ANKLE2: variants seen among roughly 807,000 people sequenced by gnomAD.
ANKLE2 encodes the protein ankyrin repeat and LEM domain containing 2, also known as ankyrin repeat and LEM domain-containing protein 2.
ANKLE2 carries 55 observed loss-of-function variants against 84.2 expected under a neutral mutation model. The ratio of observed to expected loss-of-function variants is 0.65; its 90% CI spans 0.53 to 0.82. The LOEUF (loss-of-function observed/expected upper bound fraction) is 0.82, where lower values mean the gene tolerates loss of function less well. Ranked by LOEUF, ANKLE2 falls within the 40% of genes least tolerant of loss-of-function variation. The pLI, the probability that ANKLE2 is intolerant of heterozygous loss-of-function variation, is 0.00. For synonymous variants in ANKLE2, 551 were observed against 486.1 expected (o/e 1.13, Z -1.76); for missense variants, 1,238 against 1,201.9 (o/e 1.03, Z -0.44).
In ANKLE2 at chr12:132,734,557, C is replaced by T. The variant is rs897146587; in HGVS notation, c.1719G>A (p.Leu573=). 6.2e-7 allele frequency: 1 copy of T among 1,612,314 alleles called. No individual in the cohort carries two copies. Among genetic ancestry groups the T allele is most frequent in the Non-Finnish European group, 8.5e-7 (1 of 1,179,402 alleles). The change falls in exon 10 of 13, where the codon CTG becomes CTA. Residue 573 remains leucine, a synonymous_variant. Transcript: ENST00000357997. The stretch of plus-strand genomic sequence containing the variant: ...CCCAGTATTCAACCCAGGGATACCC[C>T]AGCTCATGAGCTAGCTCCCTGTAAG... ...ERVGRELAHE[L]GYPWVEYWEF...
intron 7 of ANKLE2, 36 bp from the exon 8 acceptor site, chr12:132,737,101 G>GC: frequency 6.4e-7 from 1 of 1,553,130 alleles, no homozygotes; most frequent in Non-Finnish European, 8.7e-7. Context: ...GCAGGCTTCC[G>GC]CCCCCTCCGC....
chr12:132,727,946 G>A (rs2043743216), intron 12 of ANKLE2, 86 bp downstream of exon 12: 6 of 1,516,176 alleles, frequency 4.0e-6, no homozygotes, highest in Non-Finnish European at 4.4e-6. Flanking sequence ...AAAAGCCACT[G>A]ATAGGTTCGC....
chr12:132,750,120 G>A lies in ANKLE2; in HGVS notation c.847+523C>T, dbSNP rs915277275. Among the ~76,000 whole-genome samples the A allele has an allele frequency of 5.4e-5, 8 of 146,824 alleles. No homozygotes were observed. The South Asian group carries it at 6.3e-4, about 12-fold the overall frequency. ...CTCGGGAGGCTGAGGCAGGAGAATCGCTTGAACCCGGGAGGTGGAGCTTGC... is the reference window on the plus strand; with the variant it reads ...CTCGGGAGGCTGAGGCAGGAGAATCACTTGAACCCGGGAGGTGGAGCTTGC... On this transcript the variant is annotated intron_variant, in intron 3 of 12. Coordinates refer to ENST00000357997, the MANE Select transcript of ANKLE2 (RefSeq NM_015114.3).
chr12:132,734,613 C>T lies in ANKLE2; in HGVS notation c.1701-38G>A, dbSNP rs747404907. 8 of 1,564,468 alleles carry T rather than the reference C, an allele frequency of 5.1e-6. No homozygotes were observed. In the African/African-American group the frequency reaches 9.7e-5, roughly 19 times the overall value. ...AAACACAATTAACCAGCTGTGAAAC[C>T]AGAAAAAATACTCAGAACTACACAG... On this transcript the variant is annotated intron_variant, in intron 9 of 12. Coordinates refer to ENST00000357997, the MANE Select transcript of ANKLE2 (RefSeq NM_015114.3).
intron 6 of ANKLE2, chr12:132,741,726 C>T (rs535315103): frequency 6.5e-5 from 41 of 629,298 alleles, no homozygotes; most frequent in South Asian, 2.6e-4. Context: ...TTGCGCTACT[C>T]GACATTTTCT....
intron 9 of ANKLE2, 104 bp from the exon 10 acceptor site, chr12:132,734,679 C>T: frequency 4.3e-6 from 5 of 1,149,826 alleles, no homozygotes; most frequent in Non-Finnish European, 6.1e-6. Context: ...GCAATGTCTG[C>T]AATCATGGTT....
intron 7 of ANKLE2, among the ~76,000 whole-genome samples, chr12:132,740,907 C>CA (rs1415348006): frequency 1.0e-4 from 12 of 117,040 alleles, no homozygotes; most frequent in African/African-American, 3.2e-4. Flanking sequence ...CCTGGGCGTG[C>CA]ACCAGGAGTA....
chr12:132,732,177 G>C (rs1423797934), intron 10 of ANKLE2: 1 of 140,318 alleles, frequency 7.1e-6, no homozygotes, highest in African/African-American at 2.7e-5. Flanking sequence ...TGTCTGATAC[G>C]CACCGTGTGA....
chr12:132,742,746 ATTGCTATCT>A (rs1566024234), intron 6 of ANKLE2, among the ~76,000 whole-genome samples: 2 of 147,846 alleles, frequency 1.4e-5, no homozygotes, highest in Non-Finnish European at 3.0e-5. Flanking sequence ...CACCATGATC[ATTGCTATCT>A]CCATCCTCAC....
Position 132,726,576 on chromosome 12 carries a change from C to G in ANKLE2, c.*666G>C, listed in dbSNP as rs2043703336. 2.0e-5 allele frequency: 3 copies of G among 152,244 alleles called. No homozygotes were observed. The highest frequency in any genetic ancestry group is 1.3e-4 in the Admixed American group (2 of 15,282). 9.4% of individuals were successfully genotyped at this position (152,244 alleles called of 1,614,324 possible). On this transcript the variant is annotated 3_prime_UTR_variant, in exon 13 of 13. Transcript: ENST00000357997. ...TTGCTCCTGGTATCACTCCCACGGG[C>G]TGCAAGACTTCCCAAGAGAAAAGCT...
At chr12:132,736,024 T>A (rs2136124497) in intron 8 of ANKLE2, among the ~76,000 whole-genome samples, 1 of 152,328 alleles carries the variant, frequency 6.6e-6, no homozygotes, top group Admixed American at 6.5e-5. Context: ...CGATCTCGGC[T>A]CACTGCAAGC....
intron 1 of ANKLE2, chr12:132,757,426 T>C (rs1335292275): frequency 6.6e-6 from 1 of 152,436 alleles, no homozygotes; most frequent in East Asian, 1.9e-4. Context: ...CTCACACCTG[T>C]CACCCCAGCG....
rs746868924 is a variant in ANKLE2, at chr12:132,754,731, T to C, written c.584A>G (p.Glu195Gly). 1 of 1,614,084 alleles carries C rather than the reference T, an allele frequency of 6.2e-7. No homozygotes were observed. Among genetic ancestry groups the C allele is most frequent in the Admixed American group, 1.7e-5 (1 of 60,010 alleles). Residue 195 changes from glutamate to glycine, a missense_variant, in exon 2 of 13, where the codon GAG becomes GGG. Physicochemically the swap from Glu to Gly is moderately conservative, Grantham distance 98. Transcript: ENST00000357997. The stretch of plus-strand genomic sequence containing the variant: ...ACACACCCCATAGTACAGGGGCGGC[T>C]CCTTAGACGCAGTCGCTCCAGCTCT... Reference protein sequence around the residue: ...TYRAGATASKEPPLYYGVCPV... With the variant: ...TYRAGATASKGPPLYYGVCPV...
intron 2 of ANKLE2, among the ~76,000 whole-genome samples, chr12:132,752,821 T>G (rs1347403340): frequency 6.6e-6 from 1 of 152,184 alleles, no homozygotes; most frequent in Non-Finnish European, 1.5e-5. Context: ...CAATTAATAC[T>G]GAGTTCTCAT....
In ANKLE2 at chr12:132,743,347, A is replaced by ATATT. The variant is rs2044169322; in HGVS notation, c.1231-75_1231-72dup. The ATATT allele has an allele frequency of 1.4e-6, 2 of 1,416,250 alleles. No homozygotes were observed. Among genetic ancestry groups the ATATT allele is most frequent in the Non-Finnish European group, 1.9e-6 (2 of 1,050,164 alleles). The allele number at this position is 1,416,250 out of a possible 1,614,324, so 87.7% of individuals were successfully genotyped here. On this transcript the variant is annotated intron_variant, in intron 5 of 12. Coordinates refer to ENST00000357997, the MANE Select transcript of ANKLE2 (RefSeq NM_015114.3). This position sits in a 1 kb window ranked among gnomAD's most constrained non-coding sequence, Gnocchi z 4.1. ...TGAGGTTGCTCTAAGGTGAAAATAC[A>ATATT]TATTCATTCATTCATTCATTCATTT...
chr12:132,753,334 C>G (rs1342505507), intron 2 of ANKLE2, among the ~76,000 whole-genome samples: 1 of 151,766 alleles, frequency 6.6e-6, no homozygotes, highest in African/African-American at 2.4e-5. Context: ...AAAAAAAAAC[C>G]ACCAAAAACA....
At chr12:132,752,919 A>G (rs2044387885) in intron 2 of ANKLE2, among the ~76,000 whole-genome samples, 1 of 151,632 alleles carries the variant, frequency 6.6e-6, no homozygotes, top group African/African-American at 2.4e-5. Context: ...GCACTTTGGG[A>G]GGCTCAGGTG....
At position 132,728,054 on chromosome 12, in the gene ANKLE2, A is replaced by G. The variant is rs200148522; in HGVS notation, c.2593T>C (p.Tyr865His). ...VHRWKSAVLCYSPSDRQSWPS... is the reference protein window; with the variant it reads ...VHRWKSAVLCHSPSDRQSWPS... Reference sequence around the variant, plus strand: ...TACCTCTGTCTGTCCGAGGGTGAGTAGCACAGGACAGCACTCTTCCATCTG... The same window carrying G: ...TACCTCTGTCTGTCCGAGGGTGAGTGGCACAGGACAGCACTCTTCCATCTG... Residue 865 changes from tyrosine to histidine, a missense_variant, in exon 12 of 13, where the codon TAC becomes CAC. Around this residue, in one of 3 missense-constraint regions of ANKLE2, gnomAD observed 802 missense variants for 774.5 expected, o/e 1.04. Transcript: ENST00000357997. The G allele has an allele frequency of 4.7e-4, 758 of 1,609,330 alleles. No homozygotes were observed. The highest frequency in any genetic ancestry group is 6.0e-4 in the Non-Finnish European group (710 of 1,179,014).
chr12:132,750,006 A>C (rs1452623919), intron 3 of ANKLE2, among the ~76,000 whole-genome samples: 2 of 152,070 alleles, frequency 1.3e-5, no homozygotes, highest in East Asian at 3.9e-4. Flanking sequence ...GTCTCCATAA[A>C]AAAAGTTTAA....
Sources: allele counts gnomAD v4.1 joint callset (sites outside exome capture counted in the v4.1 genomes callset), GRCh38; gene constraint gnomAD v4.1.1; regional missense constraint gnomAD v4.1.1; non-coding constraint Gnocchi (gnomAD v3.1); transcripts MANE v1.5; gene names NCBI Gene and HGNC (gene_info 2026-07-23, HGNC 2026-07-21).